The following LMBR1 variants were observed in gnomAD, a reference collection of about 807,000 sequenced individuals.
The protein encoded by LMBR1 is limb development membrane protein 1, also known as limb region 1 protein homolog.
LMBR1 carries 52 observed loss-of-function variants against 73.9 expected under a neutral mutation model. The observed-to-expected ratio is 0.70, with a 90% CI of 0.56 to 0.89. The LOEUF (loss-of-function observed/expected upper bound fraction) is 0.89, where lower values mean the gene tolerates loss of function less well. Ranked by LOEUF, LMBR1 falls within the 40% of genes least tolerant of loss-of-function variation. The pLI, the probability that LMBR1 is intolerant of heterozygous loss-of-function variation, is 0.00. For synonymous variants in LMBR1, 215 were observed against 209.4 expected (o/e 1.03, Z -0.23); for missense variants, 539 against 579.8 (o/e 0.93, Z 0.72).
downstream of LMBR1, chr7:156,675,686 T>C (rs760623812): frequency 4.1e-5 from 50 of 1,220,336 alleles, no homozygotes; most frequent in Middle Eastern, 2.0e-4. Flanking sequence ...CGCCCCCGCC[T>C]CCTCCTCAGT....
intron 5 of LMBR1, among the ~76,000 whole-genome samples, chr7:156,768,564 C>T (rs937752229): frequency 1.1e-4 from 16 of 152,166 alleles, no homozygotes; most frequent in Admixed American, 3.9e-4. Flanking sequence ...AGCCCAGCCT[C>T]GACATTAGGA....
intron 15 of LMBR1, among the ~76,000 whole-genome samples, chr7:156,720,246 A>C (rs1046345712): frequency 1.3e-5 from 2 of 152,192 alleles, no homozygotes; most frequent in Admixed American, 1.3e-4. Flanking sequence ...AATGAACTCA[A>C]ACAAATTTAC....
intron 5 of LMBR1, among the ~76,000 whole-genome samples, chr7:156,764,304 CTA>C (rs1457008129): frequency 6.6e-6 from 1 of 152,164 alleles, no homozygotes; most frequent in Non-Finnish European, 1.5e-5. Context: ...GCATTATAAA[CTA>C]TAGAGATACT....
intron 3 of LMBR1, among the ~76,000 whole-genome samples, chr7:156,830,874 C>T (rs1036710026): frequency 6.6e-6 from 1 of 152,188 alleles, no homozygotes; most frequent in Admixed American, 6.5e-5. Context: ...CAGGACTGTG[C>T]TAGGCACTTG....
At chr7:156,836,682 G>C (rs1837693542) in intron 2 of LMBR1, 131 bp downstream of exon 2, 1 of 542,684 alleles carries the variant, frequency 1.8e-6, no homozygotes, top group Non-Finnish European at 3.1e-6. Context: ...CCTAGTACCA[G>C]ACAACTGCTT....
At chr7:156,855,176 A>C (rs1053417574) in intron 1 of LMBR1, among the ~76,000 whole-genome samples, 1 of 152,242 alleles carries the variant, frequency 6.6e-6, no homozygotes, top group Non-Finnish European at 1.5e-5. Context: ...ACAACATTCA[A>C]AAATATGTGT....
In LMBR1 at chr7:156,734,409, C is replaced by T. The variant is rs1585445413; in HGVS notation, c.758-152G>A. ...GCTGTGATTCAGAGGAAAGCACATCCATATATTTACCAATTAAAACTTCTT... is the reference window on the plus strand; with the variant it reads ...GCTGTGATTCAGAGGAAAGCACATCTATATATTTACCAATTAAAACTTCTT... On this transcript the variant is annotated intron_variant, in intron 9 of 16. Coordinates refer to ENST00000353442, the MANE Select transcript of LMBR1 (RefSeq NM_022458.4). 1.9e-5 allele frequency: 10 copies of T among 528,600 alleles called. No individual in the cohort carries two copies. The East Asian group carries it at 3.1e-4, about 16-fold the overall frequency. 32.7% of individuals were successfully genotyped at this position (528,600 alleles called of 1,614,324 possible).
chr7:156,800,389 TA>T (rs1830733704), intron 4 of LMBR1, among the ~76,000 whole-genome samples: 1 of 141,144 alleles, frequency 7.1e-6, no homozygotes, highest in Admixed American at 7.8e-5. Context: ...CTGTGGTCTA[TA>T]AACAAGAACA....
rs144693981 is a variant in LMBR1 at position 156,702,039 on chromosome 7, T to C, written c.1226-13848A>G. Among the ~76,000 whole-genome samples the C allele has an allele frequency of 6.1e-3, 935 of 152,330 alleles. 9 individuals carry two copies. The highest frequency in any genetic ancestry group is 0.021 in the African/African-American group (890 of 41,550). ...TATCTAGTCTATCACAGATGGGCAT[T>C]TGGGTTGATTCCATGTCTTTGCTAT... On this transcript the variant is annotated intron_variant, in intron 15 of 16. Coordinates refer to ENST00000353442, the MANE Select transcript of LMBR1 (RefSeq NM_022458.4).
At chr7:156,862,552 T>A (rs1797882146) in intron 1 of LMBR1, among the ~76,000 whole-genome samples, 1 of 149,712 alleles carries the variant, frequency 6.7e-6, no homozygotes. Flanking sequence ...AGATACAATA[T>A]GAAAAGCATG....
chr7:156,808,402 C>G (rs1209562314), intron 4 of LMBR1, among the ~76,000 whole-genome samples: 1 of 152,104 alleles, frequency 6.6e-6, no homozygotes, highest in Non-Finnish European at 1.5e-5. Flanking sequence ...ATAGCCACTC[C>G]AACTTTGCTC....
In LMBR1 at chr7:156,826,674, T is replaced by G. The variant is rs1443573243; in HGVS notation, c.250A>C (p.Ser84Arg). 10 of 1,609,972 alleles carry G rather than the reference T, an allele frequency of 6.2e-6. No homozygotes were observed. The highest frequency in any genetic ancestry group is 8.5e-6 in the Non-Finnish European group (10 of 1,177,772). Residue 84 changes from serine to arginine, a missense_variant, in exon 4 of 17, where the codon AGC (serine) becomes CGC (arginine). Physicochemically the swap from Ser to Arg is moderately radical, Grantham distance 110. Transcript: ENST00000353442. ...AVLLLPFSII[S>R]NEILLSFPQN... Reference sequence around the variant, plus strand: ...GGAAAAGAAAGCAGGATTTCATTGCTGATGATTGAGAAGGGTAAAAGCAAA... The same window carrying G: ...GGAAAAGAAAGCAGGATTTCATTGCGGATGATTGAGAAGGGTAAAAGCAAA...
At chr7:156,823,527 A>G (rs1835133607) in intron 4 of LMBR1, 1 of 152,236 alleles carries the variant, frequency 6.6e-6, no homozygotes, top group Non-Finnish European at 1.5e-5. Flanking sequence ...TGTTTCACAA[A>G]GAGGACAGGG....
chr7:156,725,703 C>T (rs1249015358), intron 13 of LMBR1, 61 bp downstream of exon 13: 11 of 1,456,372 alleles, frequency 7.6e-6, no homozygotes, highest in Non-Finnish European at 9.6e-6. Context: ...ATAACTACTG[C>T]CCCAGAAAAC....
chr7:156,886,235 C>A (rs953391427), intron 1 of LMBR1, among the ~76,000 whole-genome samples: 1 of 152,126 alleles, frequency 6.6e-6, no homozygotes, highest in African/African-American at 2.4e-5. Flanking sequence ...GGGAAGCATC[C>A]TCCCGCAGAG....
intron 5 of LMBR1, among the ~76,000 whole-genome samples, chr7:156,767,042 G>A (rs1473249095): frequency 1.3e-5 from 2 of 152,172 alleles, no homozygotes; most frequent in South Asian, 2.1e-4. Context: ...TTGCTTAACG[G>A]TGTGGGCCAG....
At chr7:156,755,925 G>C (rs751563225) in intron 9 of LMBR1, among the ~76,000 whole-genome samples, 10 of 152,180 alleles carry the variant, frequency 6.6e-5, no homozygotes, top group Non-Finnish European at 1.3e-4. Flanking sequence ...CTTGAATCAT[G>C]ATTCTGAAAT....
At chr7:156,744,037 T>C (rs1197365948) in intron 9 of LMBR1, among the ~76,000 whole-genome samples, 1 of 152,206 alleles carries the variant, frequency 6.6e-6, no homozygotes, top group Non-Finnish European at 1.5e-5. Flanking sequence ...AATGAGGGAA[T>C]GCATAACAGA....
At chr7:156,692,278 T>C (rs968817163) in intron 15 of LMBR1, among the ~76,000 whole-genome samples, 1 of 152,172 alleles carries the variant, frequency 6.6e-6, no homozygotes, top group South Asian at 2.1e-4. Context: ...GGTTTCACCA[T>C]GTTGGCCAGG....
Sources: gnomAD v4.1 joint callset for allele counts (sites outside exome capture counted in the v4.1 genomes callset) on GRCh38, gnomAD v4.1.1 for gene constraint, MANE v1.5 for transcripts, NCBI Gene and HGNC (gene_info 2026-07-23, HGNC 2026-07-21) for gene names.